The following TMEM87A variants were observed in gnomAD, a reference collection of about 807,000 sequenced individuals.
The protein encoded by TMEM87A is transmembrane protein 87A, also known as Golgi-pH regulating cation channel.
TMEM87A carries 50 observed loss-of-function variants against 90.0 expected under a neutral mutation model. The observed-to-expected ratio is 0.56, with a 90% CI of 0.44 to 0.70. TMEM87A has a LOEUF of 0.70. TMEM87A is among the 30% of genes least tolerant of loss of function. The probability of loss-of-function intolerance (pLI) is 0.00; values close to 1 mark genes in which losing one functional copy is unlikely to be tolerated. For synonymous variants in TMEM87A, 226 were observed against 226.7 expected (o/e 1.00, Z 0.03); for missense variants, 577 against 660.5 (o/e 0.87, Z 1.39).
rs1307080115 is a variant in TMEM87A at position 42,211,135 on chromosome 15, TC to T, written c.*572del. On this transcript the variant is annotated 3_prime_UTR_variant, in exon 20 of 20. Coordinates refer to ENST00000389834, the MANE Select transcript of TMEM87A (RefSeq NM_015497.5). ...TGATCTGAATCATACTGTAACAGTT[TC>T]TCTTTTTTTTTTTTTCTTTTGATCA... 1 of 50,162 alleles carries T rather than the reference TC, an allele frequency of 2.0e-5. No individual in the cohort carries two copies. Among genetic ancestry groups the T allele is most frequent in the Admixed American group, 2.1e-4 (1 of 4,816 alleles). 3.1% of individuals were successfully genotyped at this position (50,162 alleles called of 1,614,324 possible).
intron 2 of TMEM87A, among the ~76,000 whole-genome samples, chr15:42,269,251 T>C (rs573381896): frequency 1.3e-5 from 2 of 152,308 alleles, no homozygotes; most frequent in South Asian, 2.1e-4. Flanking sequence ...CTCCCTACTT[T>C]ATATAAATGT....
chr15:42,218,711 G>C (rs1452692028), intron 17 of TMEM87A, among the ~76,000 whole-genome samples: 3 of 152,054 alleles, frequency 2.0e-5, no homozygotes, highest in African/African-American at 7.3e-5. Context: ...TATCTTCCAG[G>C]CTTCTTCACG....
chr15:42,216,036 T>C (rs1446881703), intron 19 of TMEM87A, among the ~76,000 whole-genome samples: 1 of 152,178 alleles, frequency 6.6e-6, no homozygotes, highest in African/African-American at 2.4e-5. Flanking sequence ...ATATATACAA[T>C]GGAACACTTG....
intron 16 of TMEM87A, 27 bp downstream of exon 16, chr15:42,220,035 C>G (rs779102902): frequency 6.5e-7 from 1 of 1,541,624 alleles, no homozygotes; most frequent in East Asian, 2.3e-5. Flanking sequence ...ATTTAAAGTA[C>G]TAATAAGAGG....
At chr15:42,227,343 T>A (rs183781544) in intron 14 of TMEM87A, among the ~76,000 whole-genome samples, 1 of 152,318 alleles carries the variant, frequency 6.6e-6, no homozygotes, top group Non-Finnish European at 1.5e-5. Context: ...TGAGCTCAGA[T>A]CTTAAGGATG....
At chr15:42,238,002 T>C (rs2050805020) in intron 8 of TMEM87A, among the ~76,000 whole-genome samples, 1 of 5,430 alleles carries the variant, frequency 1.8e-4, no homozygotes, top group South Asian at 8.8e-3. Context: ...TGTATATATA[T>C]ATATGTGTGT....
At chr15:42,232,474 A>ATTTTT (rs532741688) in intron 11 of TMEM87A, among the ~76,000 whole-genome samples, 9 of 150,694 alleles carry the variant, frequency 6.0e-5, no homozygotes, top group African/African-American at 2.2e-4. Flanking sequence ...CATTAGCTGC[A>ATTTTT]TTTTTTTTTC....
At chr15:42,222,901 T>G (rs1459201327) in intron 15 of TMEM87A, among the ~76,000 whole-genome samples, 1 of 152,190 alleles carries the variant, frequency 6.6e-6, no homozygotes, top group African/African-American at 2.4e-5. Flanking sequence ...AATAATTTTT[T>G]GAAATCACCT....
chr15:42,262,851 A>G (rs901772641), intron 4 of TMEM87A, among the ~76,000 whole-genome samples: 6 of 152,270 alleles, frequency 3.9e-5, no homozygotes, highest in Admixed American at 6.5e-5. Context: ...GATAATTACT[A>G]TAACTATTTT....
At chr15:42,259,026 C>T (rs1299278969) in intron 6 of TMEM87A, 2 of 737,280 alleles carry the variant, frequency 2.7e-6, no homozygotes. Flanking sequence ...TGTCTGTGTT[C>T]ACCCTATTCC....
At chr15:42,264,699 A>ATT (rs1555409717) in intron 3 of TMEM87A, among the ~76,000 whole-genome samples, 17 of 109,432 alleles carry the variant, frequency 1.6e-4, no homozygotes, top group African/African-American at 5.2e-4. Flanking sequence ...ATATATATAT[A>ATT]TTTTTTTTTT....
chr15:42,273,195 G>T (rs2051589264), intron 1 of TMEM87A, 60 bp downstream of exon 1: 7 of 1,601,474 alleles, frequency 4.4e-6, no homozygotes, highest in Non-Finnish European at 6.0e-6. Flanking sequence ...GACCCCTTGG[G>T]CCGCCGTAGC....
intron 15 of TMEM87A, among the ~76,000 whole-genome samples, chr15:42,225,636 A>G (rs2050577844): frequency 1.3e-5 from 2 of 152,034 alleles, no homozygotes; most frequent in Non-Finnish European, 2.9e-5. Flanking sequence ...GGTTCAAGCG[A>G]TTCTTGTGCC....
chr15:42,245,518 T>C (rs1428278284), intron 6 of TMEM87A, among the ~76,000 whole-genome samples: 1 of 145,718 alleles, frequency 6.9e-6, no homozygotes, highest in Non-Finnish European at 1.5e-5. Flanking sequence ...TGACATTTAT[T>C]ACTTTTTTTT....
At chr15:42,250,687 A>G (rs561355824) in intron 6 of TMEM87A, among the ~76,000 whole-genome samples, 1 of 152,124 alleles carries the variant, frequency 6.6e-6, no homozygotes, top group South Asian at 2.1e-4. Flanking sequence ...CCTTCATTTC[A>G]ACCTTGGTGA....
chr15:42,267,996 G>A lies in TMEM87A; in HGVS notation c.242C>T (p.Thr81Ile). 1 of 1,613,402 alleles carries A rather than the reference G, an allele frequency of 6.2e-7. No homozygotes were observed. The highest frequency in any genetic ancestry group is 8.5e-7 in the Non-Finnish European group (1 of 1,179,682). ...ACAATCAGCGCTTTTCAGATACCAG[G>A]TTATATTCAAAGACAGGTCACAAGG... Reference protein sequence around the residue: ...GEPCDLSLNITWYLKSADCYN... With the variant: ...GEPCDLSLNIIWYLKSADCYN... Residue 81 changes from threonine to isoleucine, a missense_variant, in exon 3 of 20, where the codon ACC becomes ATC. Thr to Ile is a moderately conservative substitution (Grantham distance 89). Transcript: ENST00000389834.
At chr15:42,272,354 G>T (rs2051552682) in intron 1 of TMEM87A, among the ~76,000 whole-genome samples, 1 of 152,106 alleles carries the variant, frequency 6.6e-6, no homozygotes, top group Admixed American at 6.6e-5. Flanking sequence ...AATCTAAAAA[G>T]ACTTAACTAT....
chr15:42,269,381 C>A (rs1020354036), intron 2 of TMEM87A, among the ~76,000 whole-genome samples: 1 of 151,862 alleles, frequency 6.6e-6, no homozygotes, highest in Non-Finnish European at 1.5e-5. Flanking sequence ...TTTTCTCAAA[C>A]TAATTTTTAG....
At chr15:42,248,917 A>G (rs1311117358) in intron 6 of TMEM87A, among the ~76,000 whole-genome samples, 6 of 152,050 alleles carry the variant, frequency 3.9e-5, no homozygotes, top group African/African-American at 1.4e-4. Flanking sequence ...CTGGTCCTGG[A>G]CTTATTTTAG....
Sources: allele counts gnomAD v4.1 joint callset (sites outside exome capture counted in the v4.1 genomes callset), GRCh38; gene constraint gnomAD v4.1.1; transcripts MANE v1.5; gene names NCBI Gene and HGNC (gene_info 2026-07-23, HGNC 2026-07-21).